The following IL12RB2 variants were observed in gnomAD, a reference collection of about 807,000 sequenced individuals.
IL12RB2 encodes the protein interleukin 12 receptor subunit beta 2.
Under a neutral mutation model 89.4 loss-of-function variants are expected in IL12RB2, and 82 were observed. The ratio of observed to expected loss-of-function variants is 0.92; its 90% CI spans 0.77 to 1.10. The LOEUF is 1.10. Ranked by LOEUF, IL12RB2 falls within the 50% of genes least tolerant of loss-of-function variation. The pLI is 0.00. For missense variants in IL12RB2, 963 were observed against 1,031.9 expected (o/e 0.93, Z 0.92); for synonymous variants, 368 against 370.1 (o/e 0.99, Z 0.07).
intron 9 of IL12RB2, among the ~76,000 whole-genome samples, chr1:67,339,184 T>C (rs143569343): frequency 2.8e-4 from 43 of 152,166 alleles, no homozygotes; most frequent in Middle Eastern, 3.4e-3. Flanking sequence ...ATAGTAATAG[T>C]GGTAGAAAAT....
chr1:67,393,086 T>A (rs1437117699), intron 16 of IL12RB2, among the ~76,000 whole-genome samples: 1 of 152,098 alleles, frequency 6.6e-6, no homozygotes, highest in African/African-American at 2.4e-5. Flanking sequence ...AGGTGGACTG[T>A]TTTTAGAAAG....
chr1:67,310,528 A>C (rs189961772), intron 1 of IL12RB2, among the ~76,000 whole-genome samples: 1 of 152,304 alleles, frequency 6.6e-6, no homozygotes, highest in Non-Finnish European at 1.5e-5. Context: ...AAATCAGATG[A>C]ATGGGCAAAG....
rs1448788595 is a variant in IL12RB2, at chr1:67,359,027, G to T, written c.1258+7938G>T. 3.3e-5 allele frequency among the ~76,000 whole-genome samples: 5 copies of T among 152,012 alleles called. No homozygotes were observed. The South Asian group carries it at 8.3e-4, about 25-fold the overall frequency. ...ATAGTGGTGCACGCCTGTAGTTCCAGCTACTCAAGAGGCTGAGGCACGAAA... is the reference window on the plus strand; with the variant it reads ...ATAGTGGTGCACGCCTGTAGTTCCATCTACTCAAGAGGCTGAGGCACGAAA... On this transcript the variant is annotated intron_variant, in intron 10 of 16. Coordinates refer to ENST00000674203, the MANE Select transcript of IL12RB2 (RefSeq NM_001374259.2).
Position 67,397,514 on chromosome 1 carries a change from A to G in IL12RB2, c.*1425A>G, listed in dbSNP as rs940178790. 6.6e-6 allele frequency among the ~76,000 whole-genome samples: 1 copy of G among 152,196 alleles called. No homozygotes were observed. Among genetic ancestry groups the G allele is most frequent in the Non-Finnish European group, 1.5e-5 (1 of 68,032 alleles). On this transcript the variant is annotated 3_prime_UTR_variant, in exon 17 of 17. Coordinates refer to ENST00000674203, the MANE Select transcript of IL12RB2 (RefSeq NM_001374259.2). ...ATTGAGCTGGTCCTCTGCCAGCTCA[A>G]GTTGAGCCTGGAAGATAACTCTCTT...
intron 11 of IL12RB2, among the ~76,000 whole-genome samples, chr1:67,371,279 G>A (rs1663271980): frequency 6.6e-6 from 1 of 152,050 alleles, no homozygotes; most frequent in South Asian, 2.1e-4. Flanking sequence ...TCTTGTCATG[G>A]TCTCTTCTGA....
intron 2 of IL12RB2, among the ~76,000 whole-genome samples, chr1:67,318,911 G>A (rs543596592): frequency 1.3e-5 from 2 of 152,058 alleles, no homozygotes; most frequent in Admixed American, 1.3e-4. Context: ...TACCTTGAGT[G>A]AGCTAAGGTC....
chr1:67,330,721 A>G lies in IL12RB2; in HGVS notation c.869A>G (p.Tyr290Cys), dbSNP rs1018691528. The change falls in exon 8 of 17, where the codon TAT becomes TGT. Residue 290 changes from tyrosine to cysteine, a missense_variant. Transcript: ENST00000674203. The part of the protein sequence containing the change: ...DLLDLKPFTE[Y>C]EFQISSKLHL... ...CTGGATCTGAAACCATTTACAGAAT[A>G]TGAATTTCAGATTTCCTCTAAGCTA... 2.6e-6 allele frequency: 4 copies of G among 1,530,388 alleles called. No individual in the cohort carries two copies. The highest frequency in any genetic ancestry group is 3.6e-6 in the Non-Finnish European group (4 of 1,103,844). 94.8% of individuals were successfully genotyped at this position (1,530,388 alleles called of 1,614,324 possible). A position where few individuals can be genotyped will look rare whatever the true frequency, so the allele number is the denominator to read the frequency against.
chr1:67,372,716 G>A lies in IL12RB2; in HGVS notation c.1650G>A (p.Met550Ile). 6.2e-7 allele frequency: 1 copy of A among 1,605,698 alleles called. No homozygotes were observed. Among genetic ancestry groups the A allele is most frequent in the Non-Finnish European group, 8.5e-7 (1 of 1,172,288 alleles). Reference protein sequence around the residue: ...SWNSIPVQEQMGCLLHYRIYW... With the variant: ...SWNSIPVQEQIGCLLHYRIYW... Reference sequence around the variant, plus strand: ...ACAGCATTCCAGTCCAGGAGCAAATGGGCTGCCTCCTCCATTATAGGATAT... The same window carrying A: ...ACAGCATTCCAGTCCAGGAGCAAATAGGCTGCCTCCTCCATTATAGGATAT... The change falls in exon 13 of 17, where the codon ATG (methionine) becomes ATA (isoleucine). Residue 550 changes from methionine to isoleucine, a missense_variant. By Grantham distance (10) the Met-to-Ile change is conservative. Transcript: ENST00000674203.
At chr1:67,339,646 A>G (rs1376404553) in intron 9 of IL12RB2, among the ~76,000 whole-genome samples, 1 of 152,254 alleles carries the variant, frequency 6.6e-6, no homozygotes, top group Admixed American at 6.5e-5. Flanking sequence ...GAAAGCTGGC[A>G]TTACCATTTT....
At chr1:67,332,870 CTAGT>C (rs1658278337) in intron 8 of IL12RB2, among the ~76,000 whole-genome samples, 1 of 152,060 alleles carries the variant, frequency 6.6e-6, no homozygotes, top group African/African-American at 2.4e-5. Context: ...TGATAATGAC[CTAGT>C]TAGAGATGTG....
At chr1:67,329,451 G>A (rs1242665770) in intron 6 of IL12RB2, 136 bp from the exon 7 acceptor site, 2 of 714,348 alleles carry the variant, frequency 2.8e-6, no homozygotes, top group African/African-American at 3.5e-5. Context: ...CTTTTCTCTT[G>A]TATATTTTAC....
chr1:67,312,577 T>A lies in IL12RB2; in HGVS notation c.-124-1336T>A, dbSNP rs1314266259. Among the ~76,000 whole-genome samples the A allele has an allele frequency of 4.7e-5, 7 of 149,602 alleles. No homozygotes were observed. The Admixed American group carries it at 4.7e-4, about 10-fold the overall frequency. On this transcript the variant is annotated intron_variant, in intron 1 of 16. Coordinates refer to ENST00000674203, the MANE Select transcript of IL12RB2 (RefSeq NM_001374259.2). ...CAGGAGTCTATTATGTCAAATGGGA[T>A]GTATCTAAAATGGAAATAAAGACAA...
chr1:67,370,015 C>A (rs1457189108), intron 11 of IL12RB2, among the ~76,000 whole-genome samples: 2 of 121,322 alleles, frequency 1.6e-5, no homozygotes, highest in Non-Finnish European at 3.8e-5. Flanking sequence ...GAGTGAGACT[C>A]CATCTGAAAA....
chr1:67,309,865 A>G (rs531287355), intron 1 of IL12RB2, among the ~76,000 whole-genome samples: 29 of 152,246 alleles, frequency 1.9e-4, no homozygotes, highest in African/African-American at 7.0e-4. Flanking sequence ...CACTGCTGTC[A>G]ACTCCTACAA....
At chr1:67,329,483 T>C in intron 6 of IL12RB2, 104 bp from the exon 7 acceptor site, 3 of 797,460 alleles carry the variant, frequency 3.8e-6, no homozygotes, top group Non-Finnish European at 6.9e-6. Context: ...GTTGTGCATC[T>C]CAGAACTGAG....
chr1:67,335,304 A>C (rs1658622736), intron 8 of IL12RB2, among the ~76,000 whole-genome samples: 1 of 152,202 alleles, frequency 6.6e-6, no homozygotes, highest in African/African-American at 2.4e-5. Flanking sequence ...CGGGGTCCAG[A>C]ACTCTAGCTA....
At chr1:67,334,309 C>T (rs1374484176) in intron 8 of IL12RB2, among the ~76,000 whole-genome samples, 2 of 152,222 alleles carry the variant, frequency 1.3e-5, no homozygotes, top group African/African-American at 4.8e-5. Flanking sequence ...GTAATATTTT[C>T]AGCTTTGCGG....
At chr1:67,355,143 G>A (rs1045302521) in intron 10 of IL12RB2, among the ~76,000 whole-genome samples, 2 of 152,040 alleles carry the variant, frequency 1.3e-5, no homozygotes, top group African/African-American at 2.4e-5. Flanking sequence ...GCCAGGCGCC[G>A]TGGCTCACGC....
chr1:67,385,320 C>T (rs1665017355), intron 14 of IL12RB2, among the ~76,000 whole-genome samples: 1 of 152,188 alleles, frequency 6.6e-6, no homozygotes, highest in South Asian at 2.1e-4. Context: ...AGGGGTAAAG[C>T]CCCTTATGAA....
Sources: gnomAD v4.1 joint callset for allele counts (sites outside exome capture counted in the v4.1 genomes callset) on GRCh38, gnomAD v4.1.1 for gene constraint, MANE v1.5 for transcripts, NCBI Gene and HGNC (gene_info 2026-07-23, HGNC 2026-07-21) for gene names.